TNS3: variants seen among roughly 807,000 people sequenced by gnomAD.
TNS3 encodes the protein tensin-3.
TNS3 carries 45 observed loss-of-function variants against 140.9 expected under a neutral mutation model. The ratio of observed to expected loss-of-function variants is 0.32; its 90% CI spans 0.25 to 0.41. The LOEUF (loss-of-function observed/expected upper bound fraction) is 0.41. Ranked by LOEUF, TNS3 falls within the 10% of genes least tolerant of loss-of-function variation. TNS3 has a pLI of 1.00. For missense variants in TNS3, 1,716 were observed against 1,906.7 expected, an observed-to-expected ratio of 0.90 and a Z score of 1.86; for synonymous variants, 815 against 788.4, an observed-to-expected ratio of 1.03 and a Z score of -0.56.
intron 4 of TNS3, chr7:47,470,312 ACAC>A (rs1796898928): frequency 4.8e-6 from 2 of 415,294 alleles, no homozygotes; most frequent in Non-Finnish European, 6.5e-6. Flanking sequence ...ATACACATGT[ACAC>A]TCTATATCTA....
Position 47,582,086 on chromosome 7 carries a change from G to T in TNS3, c.-300C>A, listed in dbSNP as rs1329480038. The T allele has an allele frequency of 6.6e-6, 1 of 151,972 alleles. No homozygotes were observed. Among genetic ancestry groups the T allele is most frequent in the Non-Finnish European group, 1.5e-5 (1 of 68,018 alleles). The allele number at this position is 151,972 out of a possible 1,614,324, so 9.4% of individuals were successfully genotyped here. On this transcript the variant is annotated 5_prime_UTR_variant, in exon 1 of 31. Coordinates refer to ENST00000311160, the MANE Select transcript of TNS3 (RefSeq NM_022748.12). ...CTGAGGCGCGGTCCGGCAGGGCGAT[G>T]GCCGCAACGAGGCTGGGCTCCGAGT...
At chr7:47,501,741 G>T (rs1038625633) in intron 3 of TNS3, among the ~76,000 whole-genome samples, 1 of 152,186 alleles carries the variant, frequency 6.6e-6, no homozygotes, top group African/African-American at 2.4e-5. Flanking sequence ...ATTGGGGAGA[G>T]ATACTGCCCC....
intron 20 of TNS3, among the ~76,000 whole-genome samples, chr7:47,323,553 G>C (rs1308246714): frequency 6.6e-6 from 1 of 152,100 alleles, no homozygotes; most frequent in African/African-American, 2.4e-5. Context: ...TCAAAGTAAG[G>C]GTAAATATAA....
intron 27 of TNS3, among the ~76,000 whole-genome samples, chr7:47,285,624 T>C (rs952910945): frequency 1.3e-5 from 2 of 152,192 alleles, no homozygotes; most frequent in African/African-American, 4.8e-5. Flanking sequence ...ATGGCTGTAT[T>C]AGCATCATGA....
intron 20 of TNS3, among the ~76,000 whole-genome samples, chr7:47,306,799 G>A (rs1253355250): frequency 2.0e-5 from 3 of 152,096 alleles, no homozygotes; most frequent in Non-Finnish European, 4.4e-5. Flanking sequence ...GCATGGCTAC[G>A]ATCTCCTGAA....
chr7:47,317,563 T>G (rs1365434220), intron 20 of TNS3, among the ~76,000 whole-genome samples: 1 of 152,220 alleles, frequency 6.6e-6, no homozygotes. Flanking sequence ...GTTTTTACAC[T>G]TGGGATGCAC....
Position 47,353,879 on chromosome 7 carries a change from C to T in TNS3, c.2282-7523G>A, listed in dbSNP as rs563014876. Among the ~76,000 whole-genome samples, 109 of 152,200 alleles carry T rather than the reference C, an allele frequency of 7.2e-4. 1 individual carries two copies. The highest frequency in any genetic ancestry group is 2.5e-3 in the African/African-American group (104 of 41,518). Reference sequence around the variant, plus strand: ...CAGCAGTGTAGCCTCAGGTCTCACTCCGCAACCTGCAGCCCTCCCACTCAC... The same window carrying T: ...CAGCAGTGTAGCCTCAGGTCTCACTTCGCAACCTGCAGCCCTCCCACTCAC... On this transcript the variant is annotated intron_variant, in intron 17 of 30. Coordinates refer to ENST00000311160, the MANE Select transcript of TNS3 (RefSeq NM_022748.12).
At chr7:47,545,156 T>TC (rs1799887348) in intron 1 of TNS3, among the ~76,000 whole-genome samples, 2 of 151,098 alleles carry the variant, frequency 1.3e-5, no homozygotes, top group African/African-American at 4.9e-5. Context: ...TTTTTTTTTT[T>TC]TTTTGAGACG....
intron 10 of TNS3, among the ~76,000 whole-genome samples, chr7:47,418,485 C>T (rs953208686): frequency 6.6e-6 from 1 of 152,184 alleles, no homozygotes; most frequent in African/African-American, 2.4e-5. Flanking sequence ...ACCATCCCAA[C>T]AGCCTTATCC....
intron 4 of TNS3, among the ~76,000 whole-genome samples, chr7:47,473,482 C>T (rs1797042582): frequency 6.6e-6 from 1 of 152,194 alleles, no homozygotes; most frequent in Admixed American, 6.5e-5. Context: ...AAACCATGAG[C>T]ACGCACACAT....
At chr7:47,555,506 G>A (rs147884123) in intron 1 of TNS3, among the ~76,000 whole-genome samples, 129 of 152,186 alleles carry the variant, frequency 8.5e-4, no homozygotes, top group Non-Finnish European at 1.7e-3. Context: ...AAGTTCTACC[G>A]TGGATAAAAT....
At chr7:47,493,894 T>A (rs147372845) in intron 3 of TNS3, among the ~76,000 whole-genome samples, 2 of 151,338 alleles carry the variant, frequency 1.3e-5, no homozygotes, top group East Asian at 3.9e-4. Flanking sequence ...ACTTATCAAA[T>A]CTTTTAAAAT....
At chr7:47,430,426 G>A (rs573802624) in intron 8 of TNS3, among the ~76,000 whole-genome samples, 5 of 151,802 alleles carry the variant, frequency 3.3e-5, no homozygotes, top group South Asian at 4.2e-4. Context: ...CACTGCACCC[G>A]GCCTATAAAG....
intron 20 of TNS3, among the ~76,000 whole-genome samples, chr7:47,308,140 A>G (rs2150747634): frequency 6.6e-6 from 1 of 152,364 alleles, no homozygotes; most frequent in African/African-American, 2.4e-5. Flanking sequence ...TGAGGCATAT[A>G]TATCAACAAA....
intron 9 of TNS3, 118 bp from the exon 10 acceptor site, chr7:47,424,302 C>T (rs11980848): frequency 1.0e-5 from 9 of 880,882 alleles, no homozygotes; most frequent in African/African-American, 1.0e-4. Context: ...AGGGGCTTCA[C>T]CCTTTGCTGC....
chr7:47,499,875 A>G (rs565448258), intron 3 of TNS3, among the ~76,000 whole-genome samples: 10 of 152,206 alleles, frequency 6.6e-5, no homozygotes, highest in South Asian at 2.1e-4. Flanking sequence ...TGGCTCATCA[A>G]TTCTAACAAA....
intron 9 of TNS3, among the ~76,000 whole-genome samples, chr7:47,428,011 G>A (rs1612394): frequency 0.4 from 61,387 of 151,922 alleles, 12,551 homozygotes; most frequent in Non-Finnish European, 0.42. Context: ...GTTATTTTTT[G>A]TTAGAGAATT....
chr7:47,453,064 G>C, intron 4 of TNS3: 1 of 985,324 alleles, frequency 1.0e-6, no homozygotes, highest in Non-Finnish European at 1.2e-6. Context: ...CGGCAGCTCT[G>C]GGCATAAAGG....
intron 4 of TNS3, among the ~76,000 whole-genome samples, chr7:47,480,374 C>T (rs1327543202): frequency 6.6e-6 from 1 of 152,200 alleles, no homozygotes; most frequent in Non-Finnish European, 1.5e-5. Flanking sequence ...CAAGAGGCAG[C>T]TTCCCATTTG....
Sources: gnomAD v4.1 joint callset for allele counts (sites outside exome capture counted in the v4.1 genomes callset) on GRCh38, gnomAD v4.1.1 for gene constraint, MANE v1.5 for transcripts, NCBI Gene and HGNC (gene_info 2026-07-23, HGNC 2026-07-21) for gene names.